The following RABGAP1L variants were observed in gnomAD, a reference collection of about 807,000 sequenced individuals.
RABGAP1L encodes the protein rab GTPase-activating protein 1-like.
RABGAP1L carries 63 observed loss-of-function variants against 137.7 expected under a neutral mutation model. The observed-to-expected ratio is 0.46, with a 90% confidence interval of 0.37 to 0.56. The LOEUF is 0.56. Ranked by LOEUF, RABGAP1L falls within the 20% of genes least tolerant of loss-of-function variation. The probability of loss-of-function intolerance (pLI) is 0.00; values close to 1 mark genes in which losing one functional copy is unlikely to be tolerated. For missense variants in RABGAP1L, 1,095 were observed against 1,244.0 expected (o/e 0.88, Z 1.80); for synonymous variants, 431 against 433.7 (o/e 0.99, Z 0.08).
At chr1:174,942,988 C>T (rs940491347) in intron 19 of RABGAP1L, among the ~76,000 whole-genome samples, 2 of 152,210 alleles carry the variant, frequency 1.3e-5, no homozygotes, top group East Asian at 3.8e-4. Context: ...ACATAACAGC[C>T]TTGCTTACAC....
intron 13 of RABGAP1L, among the ~76,000 whole-genome samples, chr1:174,629,711 G>A (rs1024873564): frequency 5.3e-5 from 8 of 152,016 alleles, no homozygotes; most frequent in African/African-American, 1.9e-4. Context: ...TTTTAGTAGA[G>A]ACTGGGTTTC....
At chr1:174,974,223 C>T (rs1670446339) in intron 21 of RABGAP1L, among the ~76,000 whole-genome samples, 1 of 151,948 alleles carries the variant, frequency 6.6e-6, no homozygotes, top group African/African-American at 2.4e-5. Flanking sequence ...ATCTCCTGAC[C>T]TCGTGATCAG....
chr1:174,963,378 A>G (rs1669336707), intron 20 of RABGAP1L, among the ~76,000 whole-genome samples: 1 of 152,120 alleles, frequency 6.6e-6, no homozygotes, highest in South Asian at 2.1e-4. Flanking sequence ...CTTCTCAAGC[A>G]ATATAGCTAA....
intron 2 of RABGAP1L, among the ~76,000 whole-genome samples, 158 bp downstream of exon 2, chr1:174,219,453 T>A (rs527443270): frequency 1.3e-5 from 2 of 152,328 alleles, no homozygotes; most frequent in East Asian, 3.9e-4. Context: ...TTGTGTATTT[T>A]AAAAAGTTCT....
In RABGAP1L at chr1:174,450,171, A is replaced by G. The variant is rs1167247812; in HGVS notation, c.1710+56026A>G. Among the ~76,000 whole-genome samples the G allele has an allele frequency of 2.0e-5, 3 of 152,270 alleles. No individual in the cohort carries two copies. The East Asian group carries it at 5.8e-4, about 29-fold the overall frequency. On this transcript the variant is annotated intron_variant, in intron 13 of 25. Coordinates refer to ENST00000681986, the MANE Select transcript of RABGAP1L (RefSeq NM_001366446.1). ...AAACCCACTAGTAATTGTAATGCAG[A>G]TGCAGGATACTCACCCAGCAGTGAG...
chr1:174,564,949 A>G (rs926816262), intron 13 of RABGAP1L, among the ~76,000 whole-genome samples: 2 of 152,164 alleles, frequency 1.3e-5, no homozygotes, highest in Non-Finnish European at 2.9e-5. Context: ...TTATTTTATA[A>G]TATCATGCTA....
chr1:174,877,344 C>A (rs746527346), intron 19 of RABGAP1L: 87 of 807,704 alleles, frequency 1.1e-4, no homozygotes, highest in East Asian at 2.3e-4. Flanking sequence ...TTTTTTCTTT[C>A]TCTTTCTTTC....
intron 19 of RABGAP1L, among the ~76,000 whole-genome samples, chr1:174,869,556 C>T (rs1037780068): frequency 1.3e-5 from 2 of 152,154 alleles, no homozygotes; most frequent in Admixed American, 1.3e-4. Flanking sequence ...TTATGAATTA[C>T]CCAGTCTTGG....
chr1:174,740,229 T>A (rs1030045359), intron 17 of RABGAP1L, among the ~76,000 whole-genome samples: 3 of 152,004 alleles, frequency 2.0e-5, no homozygotes, highest in Admixed American at 1.3e-4. Context: ...AACCCTCTCT[T>A]GTGTACTCTT....
chr1:174,898,245 A>T (rs561436396), intron 19 of RABGAP1L, among the ~76,000 whole-genome samples: 6 of 152,318 alleles, frequency 3.9e-5, no homozygotes, highest in African/African-American at 1.4e-4. Context: ...CCTGTCTTAC[A>T]GGTGGTAAAT....
At chr1:174,240,399 G>T (rs765041846) in intron 4 of RABGAP1L, among the ~76,000 whole-genome samples, 1 of 152,086 alleles carries the variant, frequency 6.6e-6, no homozygotes, top group South Asian at 2.1e-4. Context: ...GGTTCCCACC[G>T]CCATGCCTGG....
At chr1:174,778,029 C>T (rs192007964) in intron 18 of RABGAP1L, among the ~76,000 whole-genome samples, 5 of 152,014 alleles carry the variant, frequency 3.3e-5, no homozygotes, top group Admixed American at 2.0e-4. Flanking sequence ...AAAATTTTTC[C>T]AAATTTGATG....
intron 11 of RABGAP1L, among the ~76,000 whole-genome samples, chr1:174,341,905 G>T (rs1682006371): frequency 6.6e-6 from 1 of 152,112 alleles, no homozygotes; most frequent in African/African-American, 2.4e-5. Context: ...TATCTTTCTT[G>T]ATAAGTACAA....
chr1:174,848,885 G>A (rs1356831581), intron 19 of RABGAP1L, among the ~76,000 whole-genome samples: 10 of 151,042 alleles, frequency 6.6e-5, no homozygotes, highest in Admixed American at 6.6e-5. Context: ...GCGAGATTCC[G>A]TGGGCGTAGG....
intron 13 of RABGAP1L, among the ~76,000 whole-genome samples, chr1:174,394,472 T>C (rs574881055): frequency 1.3e-5 from 2 of 152,320 alleles, no homozygotes; most frequent in South Asian, 4.1e-4. Context: ...TATATAGTTA[T>C]AATCATACAT....
At chr1:174,976,219 G>C in intron 22 of RABGAP1L, 37 bp downstream of exon 22, 1 of 1,460,800 alleles carries the variant, frequency 6.8e-7, no homozygotes, top group Non-Finnish European at 9.4e-7. Flanking sequence ...CTTTACAAAG[G>C]TATGTTGGTA....
At chr1:174,971,711 C>T (rs1270785903) in intron 21 of RABGAP1L, among the ~76,000 whole-genome samples, 2 of 152,240 alleles carry the variant, frequency 1.3e-5, no homozygotes, top group African/African-American at 4.8e-5. Flanking sequence ...AAGTGACCTG[C>T]CCCACCAGTC....
intron 3 of RABGAP1L, among the ~76,000 whole-genome samples, chr1:174,227,323 C>T (rs1670268174): frequency 6.6e-6 from 1 of 151,694 alleles, no homozygotes; most frequent in African/African-American, 2.4e-5. Context: ...GCCTCAGCCT[C>T]CTGAGTAGCT....
intron 13 of RABGAP1L, among the ~76,000 whole-genome samples, chr1:174,423,405 G>A (rs1651581471): frequency 6.6e-6 from 1 of 152,138 alleles, no homozygotes; most frequent in Non-Finnish European, 1.5e-5. Flanking sequence ...TCTTTTGGCA[G>A]CATCTGATGT....
Sources: gnomAD v4.1 joint callset for allele counts (sites outside exome capture counted in the v4.1 genomes callset) on GRCh38, gnomAD v4.1.1 for gene constraint, MANE v1.5 for transcripts, NCBI Gene and HGNC (gene_info 2026-07-23, HGNC 2026-07-21) for gene names.